Variants in MDGA2 observed in about 807,000 individuals in gnomAD.
MDGA2 encodes MAM domain containing glycosylphosphatidylinositol anchor 2.
Under a neutral mutation model 117.8 loss-of-function variants are expected in MDGA2, and 40 were observed. That is an observed-to-expected ratio of 0.34 (90% confidence interval 0.26 to 0.44). The LOEUF (loss-of-function observed/expected upper bound fraction) is 0.44, where lower values mean the gene tolerates loss of function less well. Ranked by LOEUF, MDGA2 falls within the 20% of genes least tolerant of loss-of-function variation. The pLI is 1.00. For synonymous variants in MDGA2, 452 were observed against 439.0 expected (o/e 1.03, Z -0.37); for missense variants, 1,123 against 1,250.6 (o/e 0.90, Z 1.54).
At chr14:47,028,404 C>T (rs1888549746) in intron 8 of MDGA2, among the ~76,000 whole-genome samples, 1 of 152,014 alleles carries the variant, frequency 6.6e-6, no homozygotes, top group Non-Finnish European at 1.5e-5. Flanking sequence ...TATATACAAC[C>T]ATTAGAATTA....
chr14:47,176,345 C>T (rs1375681582), intron 3 of MDGA2, among the ~76,000 whole-genome samples: 1 of 152,150 alleles, frequency 6.6e-6, no homozygotes, highest in Non-Finnish European at 1.5e-5. Context: ...ATTGCCAAGT[C>T]AATCCTAAGC....
At chr14:47,142,494 T>C (rs913881616) in intron 4 of MDGA2, among the ~76,000 whole-genome samples, 5 of 152,032 alleles carry the variant, frequency 3.3e-5, no homozygotes, top group Non-Finnish European at 7.4e-5. Context: ...AATAGCCATA[T>C]AGAGAAAAGA....
intron 13 of MDGA2, 164 bp downstream of exon 13, chr14:46,873,881 T>C: frequency 3.1e-6 from 2 of 640,826 alleles, no homozygotes; most frequent in Non-Finnish European, 4.7e-6. Context: ...GAGAAAAAAT[T>C]AATGTCTACA....
intron 2 of MDGA2, among the ~76,000 whole-genome samples, chr14:47,251,931 G>GTATTATTATTATTAT (rs137890834): frequency 6.7e-6 from 1 of 150,368 alleles, no homozygotes; most frequent in Non-Finnish European, 1.5e-5. Flanking sequence ...GGTTTCTCTT[G>GTATTATTATTATTAT]TATTATTATT....
At chr14:47,069,757 T>C (rs1199854958) in intron 6 of MDGA2, among the ~76,000 whole-genome samples, 2 of 152,246 alleles carry the variant, frequency 1.3e-5, no homozygotes, top group East Asian at 1.9e-4. Context: ...ACCAGATCCA[T>C]GCATATTTCA....
intron 1 of MDGA2, among the ~76,000 whole-genome samples, chr14:47,353,356 T>C (rs184747133): frequency 6.6e-6 from 1 of 152,300 alleles, no homozygotes; most frequent in African/African-American, 2.4e-5. Context: ...TGCTAAGGTT[T>C]ATTGTGTCGG....
At chr14:47,441,098 C>G (rs370543559) in intron 1 of MDGA2, among the ~76,000 whole-genome samples, 1 of 151,968 alleles carries the variant, frequency 6.6e-6, no homozygotes, top group South Asian at 2.1e-4. Context: ...TCTATGGGAG[C>G]CAAAAGGTGA....
chr14:47,064,573 G>A (rs1307397362), intron 6 of MDGA2, among the ~76,000 whole-genome samples: 1 of 152,046 alleles, frequency 6.6e-6, no homozygotes, highest in Non-Finnish European at 1.5e-5. Flanking sequence ...TTGAGAATTT[G>A]CAACCTAATT....
At chr14:46,929,361 C>T (rs1224954290) in intron 9 of MDGA2, among the ~76,000 whole-genome samples, 2 of 151,406 alleles carry the variant, frequency 1.3e-5, no homozygotes, top group Non-Finnish European at 2.9e-5. Flanking sequence ...ATTTATGTTA[C>T]ATCAAACCCC....
At chr14:47,245,224 C>T (rs1029914531) in intron 2 of MDGA2, among the ~76,000 whole-genome samples, 5 of 151,650 alleles carry the variant, frequency 3.3e-5, no homozygotes, top group Non-Finnish European at 7.4e-5. Context: ...ATGAGGTGTC[C>T]CTGTGACGAG....
chr14:46,967,947 GGAAA>G (rs1271042818), intron 8 of MDGA2, among the ~76,000 whole-genome samples: 2 of 152,038 alleles, frequency 1.3e-5, no homozygotes, highest in Non-Finnish European at 2.9e-5. Context: ...GCAGATGCCG[GGAAA>G]GAGTGAGTGA....
chr14:47,574,200 A>G (rs968874152), intron 1 of MDGA2, among the ~76,000 whole-genome samples: 1 of 152,122 alleles, frequency 6.6e-6, no homozygotes, highest in Non-Finnish European at 1.5e-5. Context: ...TTCAAACACT[A>G]TTGTCCTTGC....
At chr14:47,216,775 A>G (rs767594166) in intron 3 of MDGA2, among the ~76,000 whole-genome samples, 1 of 152,126 alleles carries the variant, frequency 6.6e-6, no homozygotes, top group Non-Finnish European at 1.5e-5. Context: ...GAACAAAAAT[A>G]CTGAAAATAT....
intron 9 of MDGA2, among the ~76,000 whole-genome samples, chr14:46,948,601 G>C (rs1885257996): frequency 6.6e-6 from 1 of 151,952 alleles, no homozygotes; most frequent in South Asian, 2.1e-4. Context: ...AAGAACAGTA[G>C]AAACTCTGAG....
Position 47,239,887 on chromosome 14 carries a change from C to T in MDGA2, c.421-21692G>A, listed in dbSNP as rs530927717. ...TCTTTTTTTAGGCATACATTTTTTT[C>T]CCAGAGTTTAGTAGCAATCTTTTTC... On this transcript the variant is annotated intron_variant, in intron 2 of 16. Coordinates refer to ENST00000399232, the MANE Select transcript of MDGA2 (RefSeq NM_001113498.3). Among the ~76,000 whole-genome samples the T allele has an allele frequency of 2.9e-4, 44 of 151,676 alleles. No homozygotes were observed. In the South Asian group the frequency reaches 6.3e-3, roughly 22 times the overall value.
intron 3 of MDGA2, among the ~76,000 whole-genome samples, chr14:47,175,790 T>A (rs1258458184): frequency 6.8e-6 from 1 of 146,578 alleles, no homozygotes; most frequent in African/African-American, 2.6e-5. Flanking sequence ...GTGTTGGAAG[T>A]TCTGGTCAGG....
At chr14:47,453,738 T>C (rs1013484188) in intron 1 of MDGA2, among the ~76,000 whole-genome samples, 1 of 152,210 alleles carries the variant, frequency 6.6e-6, no homozygotes, top group Non-Finnish European at 1.5e-5. Context: ...TTGTTTTAAT[T>C]ATAGAATTAT....
intron 1 of MDGA2, among the ~76,000 whole-genome samples, chr14:47,383,416 C>T (rs191026603): frequency 4.5e-4 from 69 of 151,832 alleles, no homozygotes; most frequent in Admixed American, 3.3e-3. Context: ...CTAATAAGGT[C>T]CATGTATTAA....
At chr14:46,857,180 T>C (rs1881301368) in intron 14 of MDGA2, among the ~76,000 whole-genome samples, 1 of 152,200 alleles carries the variant, frequency 6.6e-6, no homozygotes, top group African/African-American at 2.4e-5. Context: ...AGAAAGGAAA[T>C]ATGGCGTTTC....
Sources: allele counts gnomAD v4.1 joint callset (sites outside exome capture counted in the v4.1 genomes callset), GRCh38; gene constraint gnomAD v4.1.1; transcripts MANE v1.5; gene names NCBI Gene and HGNC (gene_info 2026-07-23, HGNC 2026-07-21).